Variants in ZNF536 observed in about 807,000 individuals in gnomAD.
ZNF536 encodes the protein zinc finger protein 536.
ZNF536 carries 13 observed loss-of-function variants against 84.5 expected under a neutral mutation model. The observed-to-expected ratio is 0.15, with a 90% CI of 0.10 to 0.24. The LOEUF (loss-of-function observed/expected upper bound fraction) is 0.24, where lower values mean the gene tolerates loss of function less well. Ranked by LOEUF, ZNF536 falls within the 10% of genes least tolerant of loss-of-function variation. The pLI is 1.00. For synonymous variants in ZNF536, 811 were observed against 742.5 expected (o/e 1.09, Z -1.50); for missense variants, 1,536 against 1,747.5 (o/e 0.88, Z 2.16).
At chr19:30,703,695 C>G (rs1002996649) in intron 1 of ZNF536, among the ~76,000 whole-genome samples, 4 of 152,214 alleles carry the variant, frequency 2.6e-5, no homozygotes, top group African/African-American at 9.6e-5. Flanking sequence ...CCAGGCAGAG[C>G]TTCCCCTGAG....
At chr19:30,528,807 G>T (rs2044689967) in intron 2 of ZNF536, among the ~76,000 whole-genome samples, 1 of 152,070 alleles carries the variant, frequency 6.6e-6, no homozygotes, top group Non-Finnish European at 1.5e-5. Flanking sequence ...AGGGGTCCAG[G>T]GACTAGTTAG....
chr19:30,508,097 G>A (rs1472844155), intron 2 of ZNF536, among the ~76,000 whole-genome samples: 1 of 152,196 alleles, frequency 6.6e-6, no homozygotes, highest in Non-Finnish European at 1.5e-5. Context: ...CTGTGCCCCA[G>A]CAGTCTGGAA....
At chr19:30,249,373 G>A (rs984157103) in intron 1 of ZNF536, among the ~76,000 whole-genome samples, 53 of 148,938 alleles carry the variant, frequency 3.6e-4, no homozygotes, top group Admixed American at 5.4e-4. Context: ...GGGGGACAAG[G>A]AGGAGGGGGA....
intron 1 of ZNF536, among the ~76,000 whole-genome samples, chr19:30,673,627 C>T (rs989850655): frequency 1.3e-5 from 2 of 152,286 alleles, no homozygotes; most frequent in Non-Finnish European, 2.9e-5. Flanking sequence ...CCCTTTTCTC[C>T]TCCTGTGGCT....
At chr19:30,335,429 T>C (rs914536928) in intron 2 of ZNF536, among the ~76,000 whole-genome samples, 4 of 152,120 alleles carry the variant, frequency 2.6e-5, no homozygotes, top group African/African-American at 4.8e-5. Flanking sequence ...CACGAGCATG[T>C]CATCTCCTTT....
intron 1 of ZNF536, among the ~76,000 whole-genome samples, chr19:30,642,822 G>A (rs138551869): frequency 3.9e-5 from 6 of 152,230 alleles, no homozygotes; most frequent in African/African-American, 9.6e-5. Flanking sequence ...ATCAAATATC[G>A]GTAGACTTGG....
At chr19:30,340,830 T>C (rs995748423) in intron 2 of ZNF536, among the ~76,000 whole-genome samples, 2 of 152,182 alleles carry the variant, frequency 1.3e-5, no homozygotes, top group Non-Finnish European at 2.9e-5. Flanking sequence ...CGGAATGATA[T>C]CCTCTAAAAG....
intron 1 of ZNF536, among the ~76,000 whole-genome samples, chr19:30,574,635 G>A (rs994398287): frequency 1.2e-4 from 19 of 152,184 alleles, no homozygotes; most frequent in African/African-American, 4.6e-4. Flanking sequence ...TTCTTACAGG[G>A]GAGCTTGCAT....
In ZNF536 at chr19:30,598,957, C is replaced by CTTCCTTCCTCCT. The variant is rs1555808759; in HGVS notation, c.169+49448_169+49449insTCCTCCTTTCCT. On this transcript the variant is annotated intron_variant, in intron 1 of 1. Coordinates refer to the ZNF536 transcript ENST00000592773. ...CCTCCCTCCCTCCCTTTCTTCCTTC[C>CTTCCTTCCTCCT]TTCCTCCTTCCCTCCTTCCCTCCCT... Among the ~76,000 whole-genome samples, 3 of 79,494 alleles carry CTTCCTTCCTCCT rather than the reference C, an allele frequency of 3.8e-5. No individual in the cohort carries two copies. In the East Asian group the frequency reaches 1.0e-3, roughly 27 times the overall value. The allele number at this position is 79,494 out of a possible 152,430, so 52.2% of individuals were successfully genotyped here.
intron 1 of ZNF536, among the ~76,000 whole-genome samples, chr19:30,588,911 A>C (rs1445923220): frequency 1.3e-5 from 2 of 152,230 alleles, no homozygotes; most frequent in Non-Finnish European, 2.9e-5. Context: ...TGACATGCGA[A>C]TATGGCAAGC....
intron 2 of ZNF536, among the ~76,000 whole-genome samples, chr19:30,345,714 T>A (rs1436396434): frequency 6.6e-6 from 1 of 152,206 alleles, no homozygotes. Flanking sequence ...ATGCTTAGTT[T>A]TCCTACATGC....
At chr19:30,453,071 T>G (rs1161006361) in intron 2 of ZNF536, among the ~76,000 whole-genome samples, 2 of 152,166 alleles carry the variant, frequency 1.3e-5, no homozygotes, top group African/African-American at 4.8e-5. Flanking sequence ...CCCTTGTCTT[T>G]TGCTGGCAGG....
chr19:30,557,570 G>A lies in ZNF536; in HGVS notation c.*406G>A, dbSNP rs1599796908. 5.9e-6 allele frequency: 1 copy of A among 168,408 alleles called. No homozygotes were observed. The highest frequency in any genetic ancestry group is 2.0e-4 in the South Asian group (1 of 5,050). The allele number at this position is 168,408 out of a possible 1,614,324, so 10.4% of individuals were successfully genotyped here. On this transcript the variant is annotated 3_prime_UTR_variant, in exon 5 of 5. Coordinates refer to ENST00000355537, the MANE Select transcript of ZNF536 (RefSeq NM_014717.3). ...GCATGTAGAGGTGGGTCCTGCAGTG[G>A]TCTCGTGGGTATTACTGCTTGTGTC... is the stretch of plus-strand genomic sequence containing the variant.
intron 1 of ZNF536, among the ~76,000 whole-genome samples, chr19:30,394,838 G>C (rs1416517905): frequency 6.6e-6 from 1 of 152,164 alleles, no homozygotes; most frequent in African/African-American, 2.4e-5. Flanking sequence ...TGGAGGCCTT[G>C]ATGAAGGATT....
At chr19:30,343,333 G>A (rs2047626078) in intron 2 of ZNF536, among the ~76,000 whole-genome samples, 1 of 152,182 alleles carries the variant, frequency 6.6e-6, no homozygotes, top group Non-Finnish European at 1.5e-5. Flanking sequence ...ACAAACCTCT[G>A]CATGTGTGTA....
intron 1 of ZNF536, among the ~76,000 whole-genome samples, chr19:30,576,410 C>T (rs944231682): frequency 2.6e-5 from 4 of 152,190 alleles, no homozygotes; most frequent in Non-Finnish European, 5.9e-5. Flanking sequence ...GGTCCTCCTT[C>T]TCCAGAGCCC....
chr19:30,525,843 G>T (rs73536777), intron 2 of ZNF536, among the ~76,000 whole-genome samples: 4,390 of 152,274 alleles, frequency 0.029, 210 homozygotes, highest in African/African-American at 0.1. Flanking sequence ...AAAGGTGAGG[G>T]TTGGAGTGCA....
At chr19:30,514,101 T>C (rs1388964443) in intron 2 of ZNF536, among the ~76,000 whole-genome samples, 1 of 152,172 alleles carries the variant, frequency 6.6e-6, no homozygotes, top group African/African-American at 2.4e-5. Flanking sequence ...CAGGCTTTGC[T>C]TTGCTTTTGA....
intron 1 of ZNF536, among the ~76,000 whole-genome samples, chr19:30,251,605 T>G (rs1396621521): frequency 1.3e-5 from 2 of 152,184 alleles, no homozygotes; most frequent in African/African-American, 4.8e-5. Context: ...TTCCATAAGT[T>G]TTTGGGAACA....
Sources: allele counts gnomAD v4.1 joint callset (sites outside exome capture counted in the v4.1 genomes callset), GRCh38; gene constraint gnomAD v4.1.1; transcripts MANE v1.5; gene names NCBI Gene and HGNC (gene_info 2026-07-23, HGNC 2026-07-21).